The following SYCP3 variants were observed in gnomAD, a reference collection of about 807,000 sequenced individuals.
The protein encoded by SYCP3 is synaptonemal complex protein 3.
SYCP3 carries 29 observed loss-of-function variants against 38.5 expected under a neutral mutation model. The observed-to-expected ratio is 0.75, with a 90% confidence interval of 0.56 to 1.03. The LOEUF (loss-of-function observed/expected upper bound fraction) is 1.03. SYCP3 is among the 50% of genes least tolerant of loss of function. The pLI is 0.00. For missense variants in SYCP3, 242 were observed against 270.7 expected (o/e 0.89, Z 0.74); for synonymous variants, 79 against 80.3 (o/e 0.98, Z 0.08).
chr12:101,736,892 A>T, intron 4 of SYCP3, 145 bp downstream of exon 4: 1 of 744,316 alleles, frequency 1.3e-6, no homozygotes, highest in Non-Finnish European at 2.2e-6. Flanking sequence ...CTGTGATGCT[A>T]AATCACAAAT....
chr12:101,735,860 T>TATTTA (rs1162362498), intron 4 of SYCP3, among the ~76,000 whole-genome samples: 1,259 of 96,546 alleles, frequency 0.013, 95 homozygotes, highest in African/African-American at 0.049. Flanking sequence ...TTTATATATA[T>TATTTA]ATATATATAT....
intron 4 of SYCP3, among the ~76,000 whole-genome samples, chr12:101,735,843 A>C (rs891098367): frequency 7.7e-6 from 1 of 129,758 alleles, no homozygotes. Flanking sequence ...TTTTTAATAT[A>C]ATCAATTTTA....
At chr12:101,737,009 T>G in intron 4 of SYCP3, 28 bp downstream of exon 4, 1 of 1,611,402 alleles carries the variant, frequency 6.2e-7, no homozygotes, top group African/African-American at 1.3e-5. Flanking sequence ...ACAATTTTCT[T>G]TAAATACAAG....
At chr12:101,735,697 C>G (rs1447242612) in intron 4 of SYCP3, among the ~76,000 whole-genome samples, 1 of 150,914 alleles carries the variant, frequency 6.6e-6, no homozygotes, top group African/African-American at 2.4e-5. Context: ...CTAAATTTAT[C>G]TAAATTTATA....
Position 101,728,902 on chromosome 12 carries a change from T to G in SYCP3, c.*25A>C. 1 of 1,613,418 alleles carries G rather than the reference T, an allele frequency of 6.2e-7. No individual in the cohort carries two copies. The highest frequency in any genetic ancestry group is 8.5e-7 in the Non-Finnish European group (1 of 1,179,646). On this transcript the variant is annotated 3_prime_UTR_variant, in exon 9 of 9. Transcript: ENST00000392924. ...TTATAATTGTATCATATTACTTAGG[T>G]TCAAGTTCTTTCTTCAAAGAGTCAT...
At position 101,737,238 on chromosome 12, in the gene SYCP3, T is replaced by G. The variant is rs781146311; in HGVS notation, c.194A>C (p.Asp65Ala). Reference sequence around the variant, plus strand: ...ATTATTTTGAACACGTTACCCCATATCTTCAACTACTCCTGCAGAAGACCT... The same window carrying G: ...ATTATTTTGAACACGTTACCCCATAGCTTCAACTACTCCTGCAGAAGACCT... Reference protein sequence around the residue: ...KKRSSAGVVEDMGGEVQNMLE... With the variant: ...KKRSSAGVVEAMGGEVQNMLE... Residue 65 changes from aspartate to alanine, a missense_variant, in exon 3 of 9, where the codon GAT becomes GCT. Asp to Ala is a moderately radical substitution (Grantham distance 126). Coordinates refer to ENST00000392924, the MANE Select transcript of SYCP3 (RefSeq NM_001177949.2). 3 of 1,613,084 alleles carry G rather than the reference T, an allele frequency of 1.9e-6. No homozygotes were observed. The highest frequency in any genetic ancestry group is 2.5e-6 in the Non-Finnish European group (3 of 1,179,788).
intron 4 of SYCP3, 116 bp downstream of exon 4, chr12:101,736,921 A>G: frequency 4.3e-6 from 4 of 920,658 alleles, no homozygotes; most frequent in East Asian, 2.6e-5. Flanking sequence ...AGAATCTTCT[A>G]TGTGAGAACA....
chr12:101,739,179 C>CA, intron 1 of SYCP3, 172 bp downstream of exon 1: 1 of 683,490 alleles, frequency 1.5e-6, no homozygotes, highest in Non-Finnish European at 1.8e-6. Flanking sequence ...CAGCCCAGCC[C>CA]GCCCGCTTTC....
intron 5 of SYCP3, among the ~76,000 whole-genome samples, chr12:101,734,710 G>A (rs2137064092): frequency 6.6e-6 from 1 of 152,184 alleles, no homozygotes; most frequent in African/African-American, 2.4e-5. Context: ...AGCACGCCTG[G>A]TTAATTTTTG....
intron 4 of SYCP3, 56 bp from the exon 5 acceptor site, chr12:101,735,100 C>G: frequency 1.6e-6 from 2 of 1,228,720 alleles, no homozygotes; most frequent in Non-Finnish European, 2.4e-6. Context: ...TATTTTGTTC[C>G]CACATATTCA....
intron 1 of SYCP3, among the ~76,000 whole-genome samples, 181 bp from the exon 2 acceptor site, chr12:101,738,133 A>T (rs1952532984): frequency 6.6e-6 from 1 of 151,448 alleles, no homozygotes; most frequent in African/African-American, 2.4e-5. Context: ...AAAAATAATA[A>T]AATAAATAGG....
At chr12:101,739,165 G>GGC in intron 1 of SYCP3, 186 bp downstream of exon 1, 5 of 747,078 alleles carry the variant, frequency 6.7e-6, no homozygotes, top group Non-Finnish European at 8.2e-6. Context: ...ATGGGGCCCA[G>GGC]CCCCAGCCCA....
rs1483014339 is a variant in SYCP3, at chr12:101,737,269, TC to T, written c.162del (p.Lys55ArgfsTer8). ...EGKTAVIEKR[R>X]KKRSSAGVVE... ...ACTACTCCTGCAGAAGACCTTTTCT[TC>T]CTACGTTTCTCAATGACTGCAGTCT... On this transcript the variant is annotated frameshift_variant, in exon 3 of 9. Transcript: ENST00000392924. LOFTEE classifies it high-confidence loss of function. The T allele has an allele frequency of 1.9e-6, 3 of 1,612,818 alleles. No individual in the cohort carries two copies. Among genetic ancestry groups the T allele is most frequent in the Admixed American group, 1.7e-5 (1 of 59,930 alleles).
Position 101,738,152 on chromosome 12 carries a change from G to A in SYCP3, c.-17-200C>T, listed in dbSNP as rs187765259. 4.6e-5 allele frequency among the ~76,000 whole-genome samples: 7 copies of A among 152,196 alleles called. No homozygotes were observed. The East Asian group carries it at 1.4e-3, about 29-fold the overall frequency. On this transcript the variant is annotated intron_variant, in intron 1 of 8. Transcript: ENST00000392924. ...ATAATAAAATAAATAGGCCAAGCACGGTAGCTCACGCCTGAAATCCCAGCA... is the reference window on the plus strand; with the variant it reads ...ATAATAAAATAAATAGGCCAAGCACAGTAGCTCACGCCTGAAATCCCAGCA...
At position 101,738,647 on chromosome 12, in the gene SYCP3, A is replaced by T. The variant is rs138157527; in HGVS notation, c.-17-695T>A. 9.1e-3 allele frequency among the ~76,000 whole-genome samples: 1,387 copies of T among 152,304 alleles called. 18 individuals are homozygous for T. The highest frequency in any genetic ancestry group is 0.014 in the Non-Finnish European group (945 of 68,022). ...GTTACTCAGGAGGCTGAGGCAGAAGAATCGCTTCAACCCGGGAGGCGGAGG... is the reference window on the plus strand; with the variant it reads ...GTTACTCAGGAGGCTGAGGCAGAAGTATCGCTTCAACCCGGGAGGCGGAGG... On this transcript the variant is annotated intron_variant, in intron 1 of 8. Transcript: ENST00000392924.
chr12:101,732,632 C>T (rs1020794686), intron 6 of SYCP3: 2 of 151,710 alleles, frequency 1.3e-5, no homozygotes, highest in African/African-American at 4.8e-5. Context: ...AGTTGTAACA[C>T]TGGATTATTT....
intron 7 of SYCP3, among the ~76,000 whole-genome samples, chr12:101,730,936 A>C (rs1369488068): frequency 6.6e-6 from 1 of 152,230 alleles, no homozygotes; most frequent in African/African-American, 2.4e-5. Flanking sequence ...GCAAGATTCC[A>C]TTGAGCTTCT....
chr12:101,739,268 C>T, intron 1 of SYCP3, 83 bp downstream of exon 1: 1 of 1,001,246 alleles, frequency 1.0e-6, no homozygotes, highest in Non-Finnish European at 1.2e-6. Flanking sequence ...CAGGCGACGC[C>T]AGGAGGTAAG....
In SYCP3 at chr12:101,731,686, AAAAC is replaced by A. The variant is rs762648208; in HGVS notation, c.454-24_454-21del. On this transcript the variant is annotated intron_variant, in intron 6 of 8. Transcript: ENST00000392924. ...CATATTCTACAAATATAAAAGAAAA[AAAAC>A]TGTGTAATAACAATTTGGGTAAAAT... is the stretch of plus-strand genomic sequence containing the variant. 3.9e-6 allele frequency: 6 copies of A among 1,530,386 alleles called. No homozygotes were observed. Among genetic ancestry groups the A allele is most frequent in the African/African-American group, 1.4e-5 (1 of 72,284 alleles). The allele number at this position is 1,530,386 out of a possible 1,614,324, so 94.8% of individuals were successfully genotyped here.
Sources: allele counts gnomAD v4.1 joint callset (sites outside exome capture counted in the v4.1 genomes callset), GRCh38; gene constraint gnomAD v4.1.1; transcripts MANE v1.5; gene names NCBI Gene and HGNC (gene_info 2026-07-23, HGNC 2026-07-21).